The following ITSN1 variants were observed in gnomAD, a reference collection of about 807,000 sequenced individuals.
ITSN1 encodes the protein intersectin 1.
Under a neutral mutation model 239.8 loss-of-function variants are expected in ITSN1, and 58 were observed. That is an observed-to-expected ratio of 0.24 (90% CI 0.20 to 0.30). The LOEUF is 0.30. Among genes scored for constraint, ITSN1 ranks in the 10% least tolerant of loss-of-function variants. The pLI is 1.00. For missense variants in ITSN1, 1,558 were observed against 2,103.3 expected (o/e 0.74, Z 5.07); for synonymous variants, 780 against 770.8 (o/e 1.01, Z -0.20).
At chr21:33,760,846 G>A (rs925977123) in intron 8 of ITSN1, among the ~76,000 whole-genome samples, 1 of 152,136 alleles carries the variant, frequency 6.6e-6, no homozygotes, top group Non-Finnish European at 1.5e-5. Context: ...ACCACATCTT[G>A]AGAGGCAGTG....
chr21:33,798,189 T>C (rs962035967), intron 18 of ITSN1, among the ~76,000 whole-genome samples: 8 of 152,092 alleles, frequency 5.3e-5, no homozygotes, highest in Admixed American at 2.0e-4. Context: ...CTTCAAACTC[T>C]TGGGTTCAAG....
intron 27 of ITSN1, among the ~76,000 whole-genome samples, chr21:33,831,832 A>G (rs1353960346): frequency 6.6e-6 from 1 of 152,070 alleles, no homozygotes; most frequent in Non-Finnish European, 1.5e-5. Flanking sequence ...TCCAGATACT[A>G]CTCACTGGTT....
At chr21:33,763,386 G>C (rs1280560040) in intron 9 of ITSN1, among the ~76,000 whole-genome samples, 1 of 152,064 alleles carries the variant, frequency 6.6e-6, no homozygotes, top group East Asian at 1.9e-4. Context: ...CTAGAGCAAA[G>C]TTTCCCAACC....
chr21:33,784,990 T>G (rs773551180), intron 16 of ITSN1, among the ~76,000 whole-genome samples: 5 of 152,134 alleles, frequency 3.3e-5, no homozygotes, highest in Non-Finnish European at 7.4e-5. Context: ...AACCTGATAG[T>G]GTGAATTTGT....
At chr21:33,885,390 G>A in intron 37 of ITSN1, 49 bp from the exon 38 acceptor site, 1 of 1,510,048 alleles carries the variant, frequency 6.6e-7, no homozygotes, top group Non-Finnish European at 9.2e-7. Context: ...AGATGGGAAA[G>A]GTGTGGCACG....
chr21:33,687,398 TAAAAAAA>T lies in ITSN1; in HGVS notation c.-32-31375_-32-31369del, dbSNP rs58230508. Reference sequence around the variant, plus strand: ...GGGCAACAAGAGCAGAACTCCATCTTAAAAAAAAAAAAAAAAAAAAAAAAAAAAAAGA... The same window carrying T: ...GGGCAACAAGAGCAGAACTCCATCTTAAAAAAAAAAAAAAAAAAAAAAAGA... On this transcript the variant is annotated intron_variant, in intron 1 of 39. Transcript: ENST00000381318. 3.4e-3 allele frequency among the ~76,000 whole-genome samples: 275 copies of T among 81,342 alleles called. 4 individuals carry two copies. Among genetic ancestry groups the T allele is most frequent in the African/African-American group, 0.013 (245 of 18,460 alleles). The allele number at this position is 81,342 out of a possible 152,430, so 53.4% of individuals were successfully genotyped here. A position where few individuals can be genotyped will look rare whatever the true frequency, so the allele number is the denominator to read the frequency against.
At chr21:33,656,652 C>T (rs943501756) in intron 1 of ITSN1, among the ~76,000 whole-genome samples, 3 of 152,158 alleles carry the variant, frequency 2.0e-5, no homozygotes, top group African/African-American at 7.2e-5. Flanking sequence ...CCCCCCACCT[C>T]AGCCCCCGGA....
chr21:33,761,400 C>G (rs2068313296), intron 8 of ITSN1, among the ~76,000 whole-genome samples: 1 of 151,918 alleles, frequency 6.6e-6, no homozygotes, highest in African/African-American at 2.4e-5. Flanking sequence ...ATTAGCGCTT[C>G]CTGCAACTTT....
intron 16 of ITSN1, among the ~76,000 whole-genome samples, chr21:33,786,555 T>G (rs544768889): frequency 6.6e-6 from 1 of 152,346 alleles, no homozygotes; most frequent in Non-Finnish European, 1.5e-5. Context: ...CTTGGCGATG[T>G]CAGTAGTTAC....
intron 7 of ITSN1, among the ~76,000 whole-genome samples, 154 bp from the exon 8 acceptor site, chr21:33,755,143 C>CA (rs561397770): frequency 4.6e-5 from 7 of 151,232 alleles, no homozygotes; most frequent in Middle Eastern, 3.4e-3. Context: ...ATACCCATGG[C>CA]AAAAAAAATC....
At chr21:33,712,520 A>C (rs571331194) in intron 1 of ITSN1, among the ~76,000 whole-genome samples, 1 of 152,266 alleles carries the variant, frequency 6.6e-6, no homozygotes, top group African/African-American at 2.4e-5. Flanking sequence ...AATTCACACA[A>C]TGGCAGGTCC....
chr21:33,781,142 T>C (rs1178486883), intron 14 of ITSN1, among the ~76,000 whole-genome samples: 3 of 152,228 alleles, frequency 2.0e-5, no homozygotes, highest in African/African-American at 4.8e-5. Context: ...CCCGGTGCCA[T>C]TGGAAGATCA....
At chr21:33,824,946 A>C (rs142625220) in intron 25 of ITSN1, among the ~76,000 whole-genome samples, 13 of 152,202 alleles carry the variant, frequency 8.5e-5, no homozygotes, top group Non-Finnish European at 1.9e-4. Flanking sequence ...AGACCTGGAA[A>C]CAGAGAATTC....
rs1393077084 is a variant in ITSN1 at position 33,858,737 on chromosome 21, G to T, written c.3835G>T (p.Ala1279Ser). 6.2e-7 allele frequency: 1 copy of T among 1,613,866 alleles called. No homozygotes were observed. Among genetic ancestry groups the T allele is most frequent in the Non-Finnish European group, 8.5e-7 (1 of 1,179,890 alleles). Residue 1279 changes from alanine to serine, a missense_variant, in exon 31 of 40, where the codon GCT becomes TCT. Around this residue, in one of 2 missense-constraint regions of ITSN1, gnomAD observed 576 missense variants for 893.3 expected, o/e 0.64. Coordinates refer to ENST00000381318, the MANE Select transcript of ITSN1 (RefSeq NM_003024.3). Reference protein sequence around the residue: ...ESELLTEKEVAMIFVNWKELI... With the variant: ...ESELLTEKEVSMIFVNWKELI... Reference sequence around the variant, plus strand: ...TGAGCTGCTGACAGAAAAAGAGGTTGCTATGATTTTTGTGAACTGGAAGGA... The same window carrying T: ...TGAGCTGCTGACAGAAAAAGAGGTTTCTATGATTTTTGTGAACTGGAAGGA...
intron 1 of ITSN1, among the ~76,000 whole-genome samples, chr21:33,659,705 C>CTTTTTTT (rs71194859): frequency 4.7e-4 from 36 of 76,592 alleles, no homozygotes; most frequent in South Asian, 1.1e-3. Context: ...GCAGCCTGTA[C>CTTTTTTT]TTTTTTTTTT....
At chr21:33,840,033 C>A (rs1397540796) in intron 29 of ITSN1, among the ~76,000 whole-genome samples, 1 of 152,212 alleles carries the variant, frequency 6.6e-6, no homozygotes, top group Non-Finnish European at 1.5e-5. Context: ...TATTCACCAC[C>A]AGAAAGGCTG....
chr21:33,875,274 G>GCCTGGT (rs1193141333), intron 33 of ITSN1, 80 bp from the exon 34 acceptor site: 2 of 1,519,116 alleles, frequency 1.3e-6, no homozygotes, highest in Non-Finnish European at 9.1e-7. Flanking sequence ...GCCCCGCTGG[G>GCCTGGT]CCTGGTCCTG....
intron 5 of ITSN1, among the ~76,000 whole-genome samples, chr21:33,736,494 A>G (rs1007268571): frequency 1.1e-4 from 16 of 152,256 alleles, no homozygotes; most frequent in Admixed American, 2.6e-4. Flanking sequence ...AAAAATCCAT[A>G]TATGAGCAAA....
chr21:33,779,075 T>C (rs556114860), intron 14 of ITSN1, among the ~76,000 whole-genome samples: 2 of 152,082 alleles, frequency 1.3e-5, no homozygotes, highest in South Asian at 4.2e-4. Context: ...ATCTGGAGTT[T>C]GTTTATTTTT....
Sources: gnomAD v4.1 joint callset for allele counts (sites outside exome capture counted in the v4.1 genomes callset) on GRCh38, gnomAD v4.1.1 for gene constraint, gnomAD v4.1.1 regional missense constraint, MANE v1.5 for transcripts, NCBI Gene and HGNC (gene_info 2026-07-23, HGNC 2026-07-21) for gene names.